The following USP2 variants were observed in gnomAD, a reference collection of about 807,000 sequenced individuals.
USP2 encodes the protein ubiquitin specific peptidase 2.
A neutral mutation model predicts 72.0 loss-of-function variants in USP2; 33 were observed. The observed-to-expected ratio is 0.46, with a 90% CI of 0.35 to 0.61. USP2 has a LOEUF of 0.61. USP2 is among the 20% of genes least tolerant of loss of function. USP2 has a pLI of 0.01. For synonymous variants in USP2, 296 were observed against 312.5 expected (o/e 0.95, Z 0.56); for missense variants, 691 against 797.8 (o/e 0.87, Z 1.61).
chr11:119,361,138 G>A (rs149993556), intron 2 of USP2, among the ~76,000 whole-genome samples: 1 of 152,322 alleles, frequency 6.6e-6, no homozygotes, highest in Non-Finnish European at 1.5e-5. Context: ...TTAAAGACTC[G>A]GAGAATCCTC....
Position 119,357,855 on chromosome 11 carries a change from G to A in USP2, c.1423-20C>T, listed in dbSNP as rs199767133. The A allele has an allele frequency of 8.7e-6, 14 of 1,614,088 alleles. No homozygotes were observed. The highest frequency in any genetic ancestry group is 1.2e-5 in the Non-Finnish European group (14 of 1,180,022). On this transcript the variant is annotated intron_variant, in intron 9 of 12. Coordinates refer to ENST00000260187, the MANE Select transcript of USP2 (RefSeq NM_004205.5). ...GCATGTCTGAGAGACAAGACAAACA[G>A]AAAGAACTTGTGGGGAAGTCAGTGG...
intron 4 of USP2, 82 bp downstream of exon 4, chr11:119,359,455 A>C: frequency 6.2e-7 from 1 of 1,600,950 alleles, no homozygotes; most frequent in Non-Finnish European, 8.5e-7. Flanking sequence ...AGGAGTGTCT[A>C]AGACACAACA....
chr11:119,358,191 C>T lies in USP2; in HGVS notation c.1299G>A (p.Thr433=), dbSNP rs761647507. The change falls in exon 8 of 13, where the codon ACG becomes ACA. Residue 433 remains threonine, a synonymous_variant. Transcript: ENST00000260187. Reference sequence around the variant, plus strand: ...AGAGGTCCCAGAAGGGGTCGAAGACCGTAGAACAGTAACCACAATCTGTAC... The same window carrying T: ...AGAGGTCCCAGAAGGGGTCGAAGACTGTAGAACAGTAACCACAATCTGTAC... ...LTCTDCGYCS[T]VFDPFWDLSL... 2.1e-4 allele frequency: 331 copies of T among 1,613,948 alleles called. No homozygotes were observed. The highest frequency in any genetic ancestry group is 1.5e-3 in the Middle Eastern group (9 of 5,918).
intron 2 of USP2, among the ~76,000 whole-genome samples, chr11:119,363,226 G>A (rs888586464): frequency 1.3e-5 from 2 of 152,230 alleles, no homozygotes. Context: ...CCCTTCCCCA[G>A]GCGGGCAGCG....
At chr11:119,358,476 T>C (rs1950709755) in intron 7 of USP2, among the ~76,000 whole-genome samples, 1 of 152,158 alleles carries the variant, frequency 6.6e-6, no homozygotes, top group Non-Finnish European at 1.5e-5. Flanking sequence ...CCACCATGCC[T>C]GGCTAATTTT....
intron 1 of USP2, among the ~76,000 whole-genome samples, chr11:119,374,948 A>G (rs1456935173): frequency 2.0e-5 from 3 of 152,212 alleles, no homozygotes; most frequent in Non-Finnish European, 4.4e-5. Flanking sequence ...AATAAATGAG[A>G]TAACAACACG....
intron 2 of USP2, among the ~76,000 whole-genome samples, chr11:119,365,893 G>GTTTT (rs1317666327): frequency 7.6e-6 from 1 of 131,268 alleles, no homozygotes; most frequent in African/African-American, 2.8e-5. Context: ...TATTTTATTT[G>GTTTT]TTTTGTTTTT....
intron 1 of USP2, 33 bp downstream of exon 1, chr11:119,381,440 C>T (rs1407965066): frequency 9.3e-5 from 142 of 1,535,058 alleles, no homozygotes; most frequent in Non-Finnish European, 1.2e-4. Flanking sequence ...TCCCCGAATC[C>T]CCCCTCCCGG....
chr11:119,380,015 C>T (rs1321953002), intron 1 of USP2, among the ~76,000 whole-genome samples: 1 of 143,066 alleles, frequency 7.0e-6, no homozygotes, highest in African/African-American at 2.6e-5. Context: ...CCTGGGTTCA[C>T]GCCATTCTCC....
intron 1 of USP2, among the ~76,000 whole-genome samples, chr11:119,375,449 C>CA (rs1950988804): frequency 6.6e-6 from 1 of 152,224 alleles, no homozygotes; most frequent in Non-Finnish European, 1.5e-5. Flanking sequence ...CCTGGCCCTT[C>CA]ATGTACACTC....
chr11:119,370,044 A>G (rs1362919207), intron 2 of USP2, among the ~76,000 whole-genome samples: 1 of 152,142 alleles, frequency 6.6e-6, no homozygotes, highest in Non-Finnish European at 1.5e-5. Context: ...GTGTGGTGGT[A>G]CACGCCTGTA....
intron 9 of USP2, 70 bp from the exon 10 acceptor site, chr11:119,357,905 TG>T: frequency 6.2e-7 from 1 of 1,613,044 alleles, no homozygotes; most frequent in South Asian, 1.1e-5. Context: ...ACTCCTCAAC[TG>T]GATCTGCTGG....
At chr11:119,365,057 TG>T (rs1267963504) in intron 2 of USP2, among the ~76,000 whole-genome samples, 1 of 152,230 alleles carries the variant, frequency 6.6e-6, no homozygotes, top group Non-Finnish European at 1.5e-5. Flanking sequence ...ATTTCGTTTC[TG>T]ATGCCCCACC....
intron 12 of USP2, 84 bp downstream of exon 12, chr11:119,357,103 G>T (rs1950672967): frequency 3.7e-5 from 51 of 1,378,104 alleles, no homozygotes; most frequent in Non-Finnish European, 4.3e-5. Context: ...GGGTGGGAGG[G>T]GGGTGGGTTT....
chr11:119,363,817 G>A, intron 2 of USP2: 2 of 1,379,600 alleles, frequency 1.4e-6, no homozygotes, highest in Non-Finnish European at 1.9e-6. Context: ...CCAGGCCCTC[G>A]GCGCGGGGGT....
At chr11:119,379,186 T>G in intron 1 of USP2, 1 of 985,304 alleles carries the variant, frequency 1.0e-6, no homozygotes, top group Non-Finnish European at 1.2e-6. Flanking sequence ...AGATGGCGAG[T>G]GCAACTCACT....
In USP2 at chr11:119,372,349, C is replaced by A. The variant is rs186420133; in HGVS notation, c.774+358G>T. 2.2e-4 allele frequency among the ~76,000 whole-genome samples: 34 copies of A among 152,290 alleles called. No homozygotes were observed. In the East Asian group the frequency reaches 6.0e-3, roughly 27 times the overall value. On this transcript the variant is annotated intron_variant, in intron 2 of 12. Coordinates refer to ENST00000260187, the MANE Select transcript of USP2 (RefSeq NM_004205.5). ...CACAGGGTGCACTGGTGGTCTGGGC[C>A]CCCCCGCATCCAGCCCAGGTTGGGG...
Position 119,372,997 on chromosome 11 carries a change from C to G in USP2, c.484G>C (p.Asp162His), listed in dbSNP as rs1950953258. The G allele has an allele frequency of 6.2e-7, 1 of 1,613,832 alleles. No individual in the cohort carries two copies. The highest frequency in any genetic ancestry group is 8.5e-7 in the Non-Finnish European group (1 of 1,180,022). The change falls in exon 2 of 13, where the codon GAC (aspartate) becomes CAC (histidine). Residue 162 changes from aspartate (D) to histidine (H), a missense_variant. Asp to His is a moderately conservative substitution (Grantham distance 81). Transcript: ENST00000260187. ...SLRTSDSYRI[D>H]PRNLGRSPML... Reference sequence around the variant, plus strand: ...GGGCTGCGGCCCAGGTTCCTGGGGTCTATCCGGTAGCTATCTGAGGTCCGG... The same window carrying G: ...GGGCTGCGGCCCAGGTTCCTGGGGTGTATCCGGTAGCTATCTGAGGTCCGG...
intron 2 of USP2, 193 bp from the exon 3 acceptor site, chr11:119,360,427 C>CA: frequency 1.7e-6 from 1 of 572,286 alleles, no homozygotes; most frequent in Non-Finnish European, 3.1e-6. Context: ...CTTTTCTTTT[C>CA]TTTTTTTTTT....
Sources: gnomAD v4.1 joint callset for allele counts (sites outside exome capture counted in the v4.1 genomes callset) on GRCh38, gnomAD v4.1.1 for gene constraint, MANE v1.5 for transcripts, NCBI Gene and HGNC (gene_info 2026-07-23, HGNC 2026-07-21) for gene names.